SLC24A2: variants seen among roughly 807,000 people sequenced by gnomAD.
SLC24A2 encodes the protein sodium/potassium/calcium exchanger 2.
SLC24A2 carries 36 observed loss-of-function variants against 62.0 expected under a neutral mutation model. The observed-to-expected ratio is 0.58, with a 90% CI of 0.44 to 0.77. The LOEUF (loss-of-function observed/expected upper bound fraction) is 0.77. Among genes scored for constraint, SLC24A2 ranks in the 30% least tolerant of loss-of-function variants. SLC24A2 has a pLI of 0.00. For missense variants in SLC24A2, 846 were observed against 817.9 expected, an observed-to-expected ratio of 1.03 and a Z score of -0.42; for synonymous variants, 358 against 294.0, an observed-to-expected ratio of 1.22 and a Z score of -2.23.
chr9:19,788,630 G>T lies in SLC24A2; in HGVS notation c.-154+255C>A, dbSNP rs977681495. ...GGGGAATGGAAGCGCCCCTCTGCGC[G>T]TCTCCCCCGACGGCAGGCCCTGCCC... On this transcript the variant is annotated intron_variant, in intron 1 of 10. Coordinates refer to ENST00000341998, the MANE Select transcript of SLC24A2 (RefSeq NM_020344.4). 389 of 985,298 alleles carry T rather than the reference G, an allele frequency of 3.9e-4. 2 individuals carry two copies. The highest frequency in any genetic ancestry group is 3.7e-4 in the Admixed American group (6 of 16,274). The allele number at this position is 985,298 out of a possible 1,614,324, so 61.0% of individuals were successfully genotyped here.
intron 8 of SLC24A2, 123 bp from the exon 9 acceptor site, chr9:19,528,261 G>A: frequency 1.4e-6 from 1 of 733,578 alleles, no homozygotes; most frequent in East Asian, 2.7e-5. Flanking sequence ...TAGTAGGATT[G>A]GCAATCAAAA....
the SLC24A2 span, among the ~76,000 whole-genome samples, chr9:20,062,108 A>C: frequency 3.9e-5 from 6 of 152,182 alleles, no homozygotes; most frequent in Non-Finnish European, 8.8e-5. Flanking sequence ...ACATGCCTGT[A>C]GTCTTAGCTA....
the SLC24A2 span, among the ~76,000 whole-genome samples, chr9:20,091,698 A>G: frequency 6.6e-6 from 1 of 152,198 alleles, no homozygotes; most frequent in Non-Finnish European, 1.5e-5. Flanking sequence ...CTTATAAGAG[A>G]TCTTGAAAAG....
intron 2 of SLC24A2, among the ~76,000 whole-genome samples, chr9:19,682,618 C>T (rs1477507794): frequency 1.3e-5 from 2 of 152,108 alleles, no homozygotes; most frequent in Non-Finnish European, 2.9e-5. Flanking sequence ...TAGTGTGACA[C>T]AGCAATAATA....
At chr9:19,982,501 T>C in the SLC24A2 span, among the ~76,000 whole-genome samples, 8 of 152,260 alleles carry the variant, frequency 5.3e-5, no homozygotes, top group African/African-American at 1.9e-4. Context: ...GGAAAAGCAC[T>C]ATGGCTATAA....
chr9:19,862,782 T>C, the SLC24A2 span, among the ~76,000 whole-genome samples: 2 of 151,986 alleles, frequency 1.3e-5, no homozygotes, highest in African/African-American at 2.4e-5. Context: ...AATAATGGGC[T>C]ATCAGATAGT....
the SLC24A2 span, among the ~76,000 whole-genome samples, chr9:19,871,338 C>T: frequency 2.6e-5 from 4 of 151,994 alleles, no homozygotes; most frequent in Non-Finnish European, 5.9e-5. Flanking sequence ...GATGTGAATT[C>T]TTCTTATGTT....
At chr9:20,131,156 C>T in the SLC24A2 span, among the ~76,000 whole-genome samples, 5 of 152,108 alleles carry the variant, frequency 3.3e-5, no homozygotes, top group Non-Finnish European at 7.4e-5. Context: ...AGAAGCAATA[C>T]GCGCCCTGTG....
intron 2 of SLC24A2, among the ~76,000 whole-genome samples, chr9:19,756,782 G>A (rs1016318835): frequency 6.6e-6 from 1 of 151,272 alleles, no homozygotes; most frequent in African/African-American, 2.4e-5. Flanking sequence ...GGAAAAAGAT[G>A]ATGTTTCTCT....
At chr9:19,596,072 A>G (rs547268276) in intron 5 of SLC24A2, among the ~76,000 whole-genome samples, 1 of 152,254 alleles carries the variant, frequency 6.6e-6, no homozygotes, top group African/African-American at 2.4e-5. Flanking sequence ...GGTTAATTTA[A>G]AGCACAGGGC....
intron 2 of SLC24A2, among the ~76,000 whole-genome samples, chr9:19,631,332 C>G (rs1818173267): frequency 6.6e-6 from 1 of 152,204 alleles, no homozygotes; most frequent in Non-Finnish European, 1.5e-5. Flanking sequence ...GAGTGACCCA[C>G]TGCTTCTTGA....
intron 2 of SLC24A2, among the ~76,000 whole-genome samples, chr9:19,704,627 G>C (rs967948393): frequency 2.0e-5 from 3 of 152,036 alleles, no homozygotes; most frequent in Admixed American, 1.3e-4. Flanking sequence ...CAGGAACCAA[G>C]AGGCTGAACT....
At chr9:19,761,678 A>C (rs542911674) in intron 2 of SLC24A2, among the ~76,000 whole-genome samples, 1 of 148,650 alleles carries the variant, frequency 6.7e-6, no homozygotes, top group East Asian at 2.0e-4. Flanking sequence ...TCCCCTTCCT[A>C]TGTCCACGTG....
At chr9:20,276,320 T>G in the SLC24A2 span, among the ~76,000 whole-genome samples, 1 of 152,174 alleles carries the variant, frequency 6.6e-6, no homozygotes, top group African/African-American at 2.4e-5. Flanking sequence ...ACAGGCCCCA[T>G]GCAAGTCCAA....
the SLC24A2 span, among the ~76,000 whole-genome samples, chr9:20,016,173 CA>C: frequency 1.3e-5 from 2 of 152,128 alleles, no homozygotes; most frequent in Admixed American, 6.5e-5. Context: ...CTTCCCCTTC[CA>C]AAGAAACATA....
chr9:20,087,239 C>A, the SLC24A2 span, among the ~76,000 whole-genome samples: 1 of 152,246 alleles, frequency 6.6e-6, no homozygotes, highest in Non-Finnish European at 1.5e-5. Context: ...CTACTATATG[C>A]CAGACATTGT....
At chr9:19,562,922 C>A (rs1219601396) in intron 7 of SLC24A2, among the ~76,000 whole-genome samples, 1 of 152,074 alleles carries the variant, frequency 6.6e-6, no homozygotes, top group Non-Finnish European at 1.5e-5. Context: ...CTGGGAAACA[C>A]AGCAAGAACT....
intron 9 of SLC24A2, among the ~76,000 whole-genome samples, chr9:19,527,362 A>G (rs556398530): frequency 6.6e-6 from 1 of 152,312 alleles, no homozygotes; most frequent in African/African-American, 2.4e-5. Flanking sequence ...GTGGATAATA[A>G]TAGTACCTGC....
chr9:19,768,353 G>A (rs752542181), intron 2 of SLC24A2, among the ~76,000 whole-genome samples: 3 of 152,122 alleles, frequency 2.0e-5, no homozygotes, highest in East Asian at 1.9e-4. Flanking sequence ...TTACCAAGTC[G>A]CCAATGACCT....
Sources: gnomAD v4.1 joint callset for allele counts (sites outside exome capture counted in the v4.1 genomes callset) on GRCh38, gnomAD v4.1.1 for gene constraint, MANE v1.5 for transcripts, NCBI Gene and HGNC (gene_info 2026-07-23, HGNC 2026-07-21) for gene names.